The following UBE2M variants were observed in gnomAD, a reference collection of about 807,000 sequenced individuals.
UBE2M encodes the protein ubiquitin conjugating enzyme E2 M, also known as NEDD8-conjugating enzyme Ubc12.
A neutral mutation model predicts 23.5 loss-of-function variants in UBE2M; 2 were observed. The observed-to-expected ratio is 0.09, with a 90% CI of 0.03 to 0.27. UBE2M has a LOEUF of 0.27. Ranked by LOEUF, UBE2M falls within the 10% of genes least tolerant of loss-of-function variation. UBE2M has a pLI of 1.00. For synonymous variants in UBE2M, 97 were observed against 95.2 expected (o/e 1.02, Z -0.11); for missense variants, 103 against 232.9 (o/e 0.44, Z 3.63).
intron 1 of UBE2M, among the ~76,000 whole-genome samples, 153 bp from the exon 2 acceptor site, chr19:58,557,310 C>A (rs1411016275): frequency 6.6e-6 from 1 of 151,956 alleles, no homozygotes; most frequent in Non-Finnish European, 1.5e-5. Flanking sequence ...CTGTGCTCCA[C>A]ACCTCCAGCC....
rs891346371 is a variant in UBE2M at position 58,556,640 on chromosome 19, C to T, written c.347+47G>A. On this transcript the variant is annotated intron_variant, in intron 4 of 5. Coordinates refer to ENST00000253023, the MANE Select transcript of UBE2M (RefSeq NM_003969.4). The surrounding 1 kb of genome is among the most constrained non-coding windows in gnomAD (Gnocchi z 4.9). ...AGTGCCCACAAGACCATGAGGGAGG[C>T]CTGGCAGGCAGCGCTGAGGAGGGCA... The T allele has an allele frequency of 2.0e-6, 3 of 1,470,940 alleles. No homozygotes were observed. Among genetic ancestry groups the T allele is most frequent in the Non-Finnish European group, 2.7e-6 (3 of 1,094,234 alleles). The allele number at this position is 1,470,940 out of a possible 1,614,324, so 91.1% of individuals were successfully genotyped here. A position where few individuals can be genotyped will look rare whatever the true frequency, so the allele number is the denominator to read the frequency against.
chr19:58,556,424 C>T lies in UBE2M; in HGVS notation c.348-45G>A. On this transcript the variant is annotated intron_variant, in intron 4 of 5. Transcript: ENST00000253023. The surrounding 1 kb of genome is among the most constrained non-coding windows in gnomAD (Gnocchi z 4.9). The stretch of plus-strand genomic sequence containing the variant: ...GGGTCAGGGCTTGGTGAGTGGGAGA[C>T]TGCCACAGGCCCCTCTGGTGTTGGG... The T allele has an allele frequency of 6.3e-7, 1 of 1,595,914 alleles. No homozygotes were observed. The highest frequency in any genetic ancestry group is 8.6e-7 in the Non-Finnish European group (1 of 1,165,622).
chr19:58,558,327 C>G lies in UBE2M; in HGVS notation c.55G>C (p.Gly19Arg). 1 of 1,598,974 alleles carries G rather than the reference C, an allele frequency of 6.3e-7. No individual in the cohort carries two copies. Among genetic ancestry groups the G allele is most frequent in the Non-Finnish European group, 8.5e-7 (1 of 1,174,000 alleles). The change falls in exon 1 of 6, where the codon GGC (glycine) becomes CGC (arginine). Residue 19 changes from glycine (G) to arginine (R), a missense_variant. Gly to Arg is a moderately radical substitution (Grantham distance 125). Transcript: ENST00000253023. This position sits in a 1 kb window ranked among gnomAD's most constrained non-coding sequence, Gnocchi z 4.7. ...QQKKEEESAG[G>R]TKGSSKKASA... ...GCCTTCTTGCTGCTGCCCTTGGTGC[C>G]GCCCGCCGACTCCTCCTCCTTCTTC...
intron 1 of UBE2M, 140 bp from the exon 2 acceptor site, chr19:58,557,297 G>C: frequency 1.2e-6 from 1 of 813,080 alleles, no homozygotes; most frequent in Non-Finnish European, 2.1e-6. Flanking sequence ...CGCCTCTCCT[G>C]GGCTGTGCTC....
At position 58,557,059 on chromosome 19, in the gene UBE2M, T is replaced by C; in HGVS notation, c.204+4A>G. On this transcript the variant is annotated splice_donor_region_variant and intron_variant, in intron 2 of 5. Transcript: ENST00000253023. ...CCTGGGAATTCAGCCATATGCACCC[T>C]CACCTCATCAGGACAGATGACCAGC... 1.9e-6 allele frequency: 3 copies of C among 1,614,002 alleles called. No individual in the cohort carries two copies. Among genetic ancestry groups the C allele is most frequent in the Non-Finnish European group, 2.5e-6 (3 of 1,179,960 alleles).
Position 58,558,346 on chromosome 19 carries a change from C to A in UBE2M, c.36G>T (p.Lys12Asn). 2 of 1,593,518 alleles carry A rather than the reference C, an allele frequency of 1.3e-6. No individual in the cohort carries two copies. The highest frequency in any genetic ancestry group is 8.5e-7 in the Non-Finnish European group (1 of 1,171,926). The change falls in exon 1 of 6, where the codon AAG becomes AAT. Residue 12 changes from lysine (K) to asparagine (N), a missense_variant. By Grantham distance (94) the Lys-to-Asn change is moderately conservative. Around this residue, in one of 3 missense-constraint regions of UBE2M, gnomAD observed 57 missense variants for 103.3 expected, o/e 0.55. Coordinates refer to ENST00000253023, the MANE Select transcript of UBE2M (RefSeq NM_003969.4). This position sits in a 1 kb window ranked among gnomAD's most constrained non-coding sequence, Gnocchi z 4.7. ...TGGTGCCGCCCGCCGACTCCTCCTC[C>A]TTCTTCTGCTGCTTCAGCGAGAACA... Reference protein sequence around the residue: ...IKLFSLKQQKKEEESAGGTKG... With the variant: ...IKLFSLKQQKNEEESAGGTKG...
chr19:58,557,047 C>T lies in UBE2M; in HGVS notation c.204+16G>A, dbSNP rs749980536. 4 of 1,614,050 alleles carry T rather than the reference C, an allele frequency of 2.5e-6. No individual in the cohort carries two copies. Among genetic ancestry groups the T allele is most frequent in the Non-Finnish European group, 2.5e-6 (3 of 1,179,932 alleles). On this transcript the variant is annotated intron_variant, in intron 2 of 5. Coordinates refer to ENST00000253023, the MANE Select transcript of UBE2M (RefSeq NM_003969.4). Reference sequence around the variant, plus strand: ...CCTTGGTTTGCTCCTGGGAATTCAGCCATATGCACCCTCACCTCATCAGGA... The same window carrying T: ...CCTTGGTTTGCTCCTGGGAATTCAGTCATATGCACCCTCACCTCATCAGGA...
Position 58,556,905 on chromosome 19 carries a change from A to G in UBE2M, c.230T>C (p.Val77Ala), listed in dbSNP as rs781764116. Reference sequence around the variant, plus strand: ...CCTGGGACTCACCTTAAAACTGAACACAAACTTCCCACTCTTGTAGAAGCC... The same window carrying G: ...CCTGGGACTCACCTTAAAACTGAACGCAAACTTCCCACTCTTGTAGAAGCC... ...DEGFYKSGKF[V>A]FSFKVGQGYP... is the part of the protein sequence containing the mutation. Residue 77 changes from valine to alanine, a missense_variant, in exon 3 of 6, where the codon GTG becomes GCG. This residue lies in a region of UBE2M where 57 missense variants were observed against 103.3 expected (regional missense o/e 0.55). Coordinates refer to ENST00000253023, the MANE Select transcript of UBE2M (RefSeq NM_003969.4). This position sits in a 1 kb window ranked among gnomAD's most constrained non-coding sequence, Gnocchi z 4.9. The G allele has an allele frequency of 4.3e-6, 7 of 1,614,012 alleles. No individual in the cohort carries two copies. Among genetic ancestry groups the G allele is most frequent in the Non-Finnish European group, 5.1e-6 (6 of 1,180,004 alleles).
At chr19:58,557,235 A>C (rs2122657255) in intron 1 of UBE2M, 78 bp from the exon 2 acceptor site, 1 of 1,457,602 alleles carries the variant, frequency 6.9e-7, no homozygotes, top group South Asian at 1.1e-5. Flanking sequence ...CAGGACACTT[A>C]GGGCGGGTGT....
chr19:58,558,043 C>T lies in UBE2M; in HGVS notation c.109+230G>A, dbSNP rs2053904092. ...ATTCCGAGTCCCTAGTAGCAGACACCAGGCCTTCCTAATATCCTAAACCAC... is the reference window on the plus strand; with the variant it reads ...ATTCCGAGTCCCTAGTAGCAGACACTAGGCCTTCCTAATATCCTAAACCAC... On this transcript the variant is annotated intron_variant, in intron 1 of 5. Transcript: ENST00000253023. This position sits in a 1 kb window ranked among gnomAD's most constrained non-coding sequence, Gnocchi z 4.7. Among the ~76,000 whole-genome samples the T allele has an allele frequency of 6.6e-6, 1 of 152,008 alleles. No individual in the cohort carries two copies. The highest frequency in any genetic ancestry group is 2.4e-5 in the African/African-American group (1 of 41,364).
chr19:58,557,801 G>C (rs946249417), intron 1 of UBE2M, among the ~76,000 whole-genome samples: 14 of 151,564 alleles, frequency 9.2e-5, no homozygotes, highest in Non-Finnish European at 1.8e-4. Flanking sequence ...GACTCAGGCA[G>C]GCCCATGAGT....
intron 1 of UBE2M, among the ~76,000 whole-genome samples, chr19:58,557,975 C>T (rs981603415): frequency 6.6e-6 from 1 of 152,076 alleles, no homozygotes; most frequent in East Asian, 1.9e-4. Flanking sequence ...AACCCCCAGA[C>T]TCTCGAGTCG....
At chr19:58,557,290 C>G in intron 1 of UBE2M, 133 bp from the exon 2 acceptor site, 1 of 849,818 alleles carries the variant, frequency 1.2e-6, no homozygotes, top group East Asian at 2.5e-5. Context: ...CCCCAGGCGC[C>G]TCTCCTGGGC....
chr19:58,556,555 T>G lies in UBE2M; in HGVS notation c.347+132A>C. On this transcript the variant is annotated intron_variant, in intron 4 of 5. Coordinates refer to ENST00000253023, the MANE Select transcript of UBE2M (RefSeq NM_003969.4). The surrounding 1 kb of genome is among the most constrained non-coding windows in gnomAD (Gnocchi z 4.9). ...AACCAAGGTCAGGCCATGAGGAAGA[T>G]GACTGGGAAATCAAGAAACCACAGA... The G allele has an allele frequency of 9.2e-7, 1 of 1,081,504 alleles. No homozygotes were observed. Among genetic ancestry groups the G allele is most frequent in the Non-Finnish European group, 1.3e-6 (1 of 757,794 alleles). 67.0% of individuals were successfully genotyped at this position (1,081,504 alleles called of 1,614,324 possible).
In UBE2M at chr19:58,556,606, G is replaced by C. The variant is rs913050224; in HGVS notation, c.347+81C>G. The C allele has an allele frequency of 7.1e-6, 9 of 1,267,266 alleles. No homozygotes were observed. In the African/African-American group the frequency reaches 1.2e-4, roughly 17 times the overall value. The allele number at this position is 1,267,266 out of a possible 1,614,324, so 78.5% of individuals were successfully genotyped here. ...CAACAAAGGGGTGGGAAGGGACAGA[G>C]TCTGATGTAGTGCCCACAAGACCAT... On this transcript the variant is annotated intron_variant, in intron 4 of 5. Coordinates refer to ENST00000253023, the MANE Select transcript of UBE2M (RefSeq NM_003969.4). The surrounding 1 kb of genome is among the most constrained non-coding windows in gnomAD (Gnocchi z 4.9).
rs374974367 is a variant in UBE2M, at chr19:58,556,788, C to T, written c.246G>A (p.Val82=). 1 of 1,600,078 alleles carries T rather than the reference C, an allele frequency of 6.2e-7. No homozygotes were observed. Among genetic ancestry groups the T allele is most frequent in the African/African-American group, 1.3e-5 (1 of 74,224 alleles). ...GGGGATCATGCGGGTAACCCTGGCCCACCTGGCTCCAGGAAAAGAAAAGAG... is the reference window on the plus strand; with the variant it reads ...GGGGATCATGCGGGTAACCCTGGCCTACCTGGCTCCAGGAAAAGAAAAGAG... The part of the protein sequence containing the change: ...KSGKFVFSFK[V]GQGYPHDPPK... Residue 82 remains valine (V), a splice_region_variant and synonymous_variant, in exon 4 of 6, where the codon GTG becomes GTA. Transcript: ENST00000253023. The surrounding 1 kb of genome is among the most constrained non-coding windows in gnomAD (Gnocchi z 4.9).
In UBE2M at chr19:58,558,076, C is replaced by T. The variant is rs1374872700; in HGVS notation, c.109+197G>A. On this transcript the variant is annotated intron_variant, in intron 1 of 5. Transcript: ENST00000253023. The surrounding 1 kb of genome is among the most constrained non-coding windows in gnomAD (Gnocchi z 4.7). ...CCTAATATCCTAAACCACCACATAC[C>T]GGGCCCCTATCTCTGACCCCCTCCC... is the stretch of plus-strand genomic sequence containing the variant. Among the ~76,000 whole-genome samples, 1 of 151,878 alleles carries T rather than the reference C, an allele frequency of 6.6e-6. No individual in the cohort carries two copies. The highest frequency in any genetic ancestry group is 2.4e-5 in the African/African-American group (1 of 41,316).
Position 58,556,870 on chromosome 19 carries a change from T to G in UBE2M, c.243+22A>C. ...GCTGCCTCCTCTGTCCAGGGAGCCA[T>G]CCCTGCCCGCCTGGGACTCACCTTA... On this transcript the variant is annotated intron_variant, in intron 3 of 5. Coordinates refer to ENST00000253023, the MANE Select transcript of UBE2M (RefSeq NM_003969.4). This position sits in a 1 kb window ranked among gnomAD's most constrained non-coding sequence, Gnocchi z 4.9. 6 of 1,614,012 alleles carry G rather than the reference T, an allele frequency of 3.7e-6. No individual in the cohort carries two copies. The highest frequency in any genetic ancestry group is 5.1e-6 in the Non-Finnish European group (6 of 1,179,964).
chr19:58,557,013 T>C (rs369863902), intron 2 of UBE2M, 50 bp downstream of exon 2: 52 of 1,612,916 alleles, frequency 3.2e-5, no homozygotes, highest in Non-Finnish European at 3.8e-5. Context: ...CTCCTCTCAG[T>C]GGGGACACCC....
Sources: gnomAD v4.1 joint callset for allele counts (sites outside exome capture counted in the v4.1 genomes callset) on GRCh38, gnomAD v4.1.1 for gene constraint, gnomAD v4.1.1 regional missense constraint, Gnocchi (gnomAD v3.1) non-coding constraint, MANE v1.5 for transcripts, NCBI Gene and HGNC (gene_info 2026-07-23, HGNC 2026-07-21) for gene names.